ZNF805: variants seen among roughly 807,000 people sequenced by gnomAD.
The protein encoded by ZNF805 is zinc finger protein 805, also known as CTC-444N24.8.
ZNF805 carries 7 observed loss-of-function variants against 13.6 expected under a neutral mutation model. The observed-to-expected ratio is 0.51, with a 90% CI of 0.29 to 0.97. The LOEUF is 0.97. ZNF805 is among the 50% of genes least tolerant of loss of function. The pLI is 0.08. For synonymous variants in ZNF805, 293 were observed against 279.8 expected (o/e 1.05, Z -0.47); for missense variants, 604 against 771.0 (o/e 0.78, Z 2.57).
intron 2 of ZNF805, among the ~76,000 whole-genome samples, chr19:57,244,764 C>T (rs1468511422): frequency 6.6e-6 from 1 of 152,156 alleles, no homozygotes; most frequent in African/African-American, 2.4e-5. Context: ...TCTGCCTCAG[C>T]GAGTTCAGGG....
rs146487389 is a variant in ZNF805, at chr19:57,248,124, C to T, written c.158-481C>T. 8.0e-3 allele frequency among the ~76,000 whole-genome samples: 1,222 copies of T among 151,902 alleles called. 16 individuals carry two copies. The highest frequency in any genetic ancestry group is 0.013 in the Non-Finnish European group (854 of 67,990). On this transcript the variant is annotated intron_variant, in intron 2 of 3. Coordinates refer to ENST00000414468, the MANE Select transcript of ZNF805 (RefSeq NM_001023563.4). ...CTCAGGAGGCTGAGTGAGCGGAGAT[C>T]GCGCCACTGCACTCCAGCCTGGGCA... is the stretch of plus-strand genomic sequence containing the variant.
intron 1 of ZNF805, 140 bp from the exon 2 acceptor site, chr19:57,243,782 GC>G: frequency 8.6e-7 from 1 of 1,165,792 alleles, no homozygotes; most frequent in Non-Finnish European, 1.2e-6. Flanking sequence ...AGCAATGTCT[GC>G]CTTCCTCCTT....
chr19:57,252,759 C>G (rs1182018409), intron 3 of ZNF805, among the ~76,000 whole-genome samples: 1 of 152,138 alleles, frequency 6.6e-6, no homozygotes, highest in Non-Finnish European at 1.5e-5. Context: ...CAGCCAGAGT[C>G]ATCTATTTAG....
chr19:57,242,127 CAAG>C (rs1282061957), intron 1 of ZNF805, among the ~76,000 whole-genome samples: 4 of 152,346 alleles, frequency 2.6e-5, no homozygotes, highest in African/African-American at 2.4e-5. Context: ...CTGCTGTACA[CAAG>C]AGGAGGTCAA....
intron 3 of ZNF805, among the ~76,000 whole-genome samples, chr19:57,251,403 G>A (rs1428897994): frequency 6.6e-6 from 1 of 152,108 alleles, no homozygotes; most frequent in Non-Finnish European, 1.5e-5. Flanking sequence ...TCATGATTCT[G>A]AGCCAATCTA....
chr19:57,247,025 T>A (rs991753149), intron 2 of ZNF805, among the ~76,000 whole-genome samples: 1 of 112,154 alleles, frequency 8.9e-6, no homozygotes, highest in African/African-American at 3.7e-5. Flanking sequence ...AATTCTTCTC[T>A]TGTGAACTTT....
rs1272055647 is a variant in ZNF805 at position 57,262,029 on chromosome 19, C to T, written c.*7326C>T. 1 of 165,746 alleles carries T rather than the reference C, an allele frequency of 6.0e-6. No homozygotes were observed. Among genetic ancestry groups the T allele is most frequent in the East Asian group, 1.9e-4 (1 of 5,194 alleles). 10.3% of individuals were successfully genotyped at this position (165,746 alleles called of 1,614,324 possible). A position where few individuals can be genotyped will look rare whatever the true frequency, so the allele number is the denominator to read the frequency against. ...TATTGGACTTGCTTTCTAGCACATA[C>T]CACAATTGTAGACCTCCAGAAGAAC... On this transcript the variant is annotated 3_prime_UTR_variant, in exon 4 of 4. Transcript: ENST00000414468.
chr19:57,254,303 G>T lies in ZNF805; in HGVS notation c.1484G>T (p.Arg495Met), dbSNP rs753496767. The T allele has an allele frequency of 5.2e-5, 84 of 1,614,002 alleles. No homozygotes were observed. Among genetic ancestry groups the T allele is most frequent in the Middle Eastern group, 1.6e-4 (1 of 6,084 alleles). ...GAGTGTGGAAAGGCCTTCAACCGCA[G>T]GTCAGGCCTCACAAGGCACCAGCGG... Reference protein sequence around the residue: ...CMECGKAFNRRSGLTRHQRIH... With the variant: ...CMECGKAFNRMSGLTRHQRIH... Residue 495 changes from arginine (R) to methionine (M), a missense_variant, in exon 4 of 4, where the codon AGG becomes ATG. By Grantham distance (91) the Arg-to-Met change is moderately conservative (BLOSUM62 -1). Around this residue, in one of 3 missense-constraint regions of ZNF805, gnomAD observed 228 missense variants for 352.8 expected, o/e 0.65. Transcript: ENST00000414468.
Position 57,245,736 on chromosome 19 carries a change from A to G in ZNF805, c.157+1687A>G, listed in dbSNP as rs368198461. ...GGAGCTTGCAGTGAGCTGAGATTGCACCACTGCACTCCAGCCTGGGCGACA... is the reference window on the plus strand; with the variant it reads ...GGAGCTTGCAGTGAGCTGAGATTGCGCCACTGCACTCCAGCCTGGGCGACA... On this transcript the variant is annotated intron_variant, in intron 2 of 3. Coordinates refer to ENST00000414468, the MANE Select transcript of ZNF805 (RefSeq NM_001023563.4). Among the ~76,000 whole-genome samples the G allele has an allele frequency of 3.5e-3, 523 of 151,302 alleles. 3 individuals carry two copies. Among genetic ancestry groups the G allele is most frequent in the Non-Finnish European group, 4.3e-3 (292 of 67,806 alleles).
chr19:57,246,732 C>T (rs12460117), intron 2 of ZNF805, among the ~76,000 whole-genome samples: 38,577 of 149,636 alleles, frequency 0.26, 6,094 homozygotes, highest in Non-Finnish European at 0.35. Flanking sequence ...GCTGAGATCG[C>T]GCTACTGCAC....
chr19:57,259,178 T>C lies in ZNF805; in HGVS notation c.*4475T>C, dbSNP rs2087708380. On this transcript the variant is annotated 3_prime_UTR_variant, in exon 4 of 4. Transcript: ENST00000414468. ...CATGTTTGGTTTTTGTTTAGCTTTTTGATTTGTCGGTTTATGCCCTTTGCC... is the reference window on the plus strand; with the variant it reads ...CATGTTTGGTTTTTGTTTAGCTTTTCGATTTGTCGGTTTATGCCCTTTGCC... Among the ~76,000 whole-genome samples the C allele has an allele frequency of 6.6e-6, 1 of 152,202 alleles. No individual in the cohort carries two copies.
Position 57,256,031 on chromosome 19 carries a change from A to G in ZNF805, c.*1328A>G, listed in dbSNP as rs2087685345. On this transcript the variant is annotated 3_prime_UTR_variant, in exon 4 of 4. Transcript: ENST00000414468. The stretch of plus-strand genomic sequence containing the variant: ...CTAATTTGCTGGGATTTTTTTGGTT[A>G]TTATTAATAAGTGTTGAATTTTGTC... Among the ~76,000 whole-genome samples, 2 of 152,020 alleles carry G rather than the reference A, an allele frequency of 1.3e-5. No individual in the cohort carries two copies. The highest frequency in any genetic ancestry group is 4.8e-5 in the African/African-American group (2 of 41,426).
chr19:57,246,670 G>C (rs2087620606), intron 2 of ZNF805, among the ~76,000 whole-genome samples: 1 of 151,874 alleles, frequency 6.6e-6, no homozygotes, highest in African/African-American at 2.4e-5. Context: ...CAGCTACTCA[G>C]GAGGTGGAGG....
rs1017617628 is a variant in ZNF805, at chr19:57,262,054, C to A, written c.*7351C>A. ...CCACAATTGTAGACCTCCAGAAGAA[C>A]AGGAGGTGTTCAGCGTAAGACAATT... On this transcript the variant is annotated 3_prime_UTR_variant, in exon 4 of 4. Coordinates refer to ENST00000414468, the MANE Select transcript of ZNF805 (RefSeq NM_001023563.4). 6.0e-6 allele frequency: 1 copy of A among 166,222 alleles called. No individual in the cohort carries two copies. The highest frequency in any genetic ancestry group is 2.1e-4 in the South Asian group (1 of 4,824). 10.3% of individuals were successfully genotyped at this position (166,222 alleles called of 1,614,324 possible). A position where few individuals can be genotyped will look rare whatever the true frequency, so the allele number is the denominator to read the frequency against.
At chr19:57,245,651 T>C (rs7249763) in intron 2 of ZNF805, among the ~76,000 whole-genome samples, 19,256 of 147,518 alleles carry the variant, frequency 0.13, 1,324 homozygotes, top group Admixed American at 0.17. Flanking sequence ...TGGTGGCGGG[T>C]GCCTGTAGTC....
rs1310707062 is a variant in ZNF805, at chr19:57,261,636, T to C, written c.*6933T>C. The C allele has an allele frequency of 6.0e-6, 1 of 167,056 alleles. No individual in the cohort carries two copies. The highest frequency in any genetic ancestry group is 6.5e-5 in the Admixed American group (1 of 15,270). The allele number at this position is 167,056 out of a possible 1,614,324, so 10.3% of individuals were successfully genotyped here. On this transcript the variant is annotated 3_prime_UTR_variant, in exon 4 of 4. Transcript: ENST00000414468. ...AAAGCTGTGCATATAGGTGGCACCA[T>C]ATATGGCGTACCTTGACCTCGAAGA... is the stretch of plus-strand genomic sequence containing the variant.
At chr19:57,243,593 A>G (rs1487789611) in intron 1 of ZNF805, among the ~76,000 whole-genome samples, 1 of 152,232 alleles carries the variant, frequency 6.6e-6, no homozygotes, top group Non-Finnish European at 1.5e-5. Context: ...AGGCTCAGGC[A>G]CTGTGGTTGT....
chr19:57,259,175 T>C lies in ZNF805; in HGVS notation c.*4472T>C, dbSNP rs2087708336. On this transcript the variant is annotated 3_prime_UTR_variant, in exon 4 of 4. Coordinates refer to ENST00000414468, the MANE Select transcript of ZNF805 (RefSeq NM_001023563.4). The stretch of plus-strand genomic sequence containing the variant: ...TATCATGTTTGGTTTTTGTTTAGCT[T>C]TTTGATTTGTCGGTTTATGCCCTTT... Among the ~76,000 whole-genome samples the C allele has an allele frequency of 6.6e-6, 1 of 152,180 alleles. No homozygotes were observed. Among genetic ancestry groups the C allele is most frequent in the Non-Finnish European group, 1.5e-5 (1 of 68,034 alleles).
chr19:57,253,559 T>G lies in ZNF805; in HGVS notation c.740T>G (p.Leu247Arg), dbSNP rs1211137704. 2 of 1,613,786 alleles carry G rather than the reference T, an allele frequency of 1.2e-6. No individual in the cohort carries two copies. Among genetic ancestry groups the G allele is most frequent in the Admixed American group, 1.7e-5 (1 of 59,910 alleles). Residue 247 changes from leucine (L) to arginine (R), a missense_variant, in exon 4 of 4, where the codon CTG (leucine) becomes CGG (arginine). By Grantham distance (102) the Leu-to-Arg change is moderately radical. Transcript: ENST00000414468. The surrounding 1 kb of genome is among the most constrained non-coding windows in gnomAD (Gnocchi z 4.4). ...GKTFSKSTYL[L>R]QHHMVHTGEK... ...ACCTTTAGCAAGAGTACATACCTCC[T>G]GCAGCACCACATGGTCCACACTGGG...
Sources: allele counts gnomAD v4.1 joint callset (sites outside exome capture counted in the v4.1 genomes callset), GRCh38; gene constraint gnomAD v4.1.1; regional missense constraint gnomAD v4.1.1; non-coding constraint Gnocchi (gnomAD v3.1); transcripts MANE v1.5; gene names NCBI Gene and HGNC (gene_info 2026-07-23, HGNC 2026-07-21).